Variants in DENND4A observed in about 807,000 individuals in gnomAD.
DENND4A encodes DENN domain containing 4A.
DENND4A carries 70 observed loss-of-function variants against 199.3 expected under a neutral mutation model. That is an observed-to-expected ratio of 0.35 (90% CI 0.29 to 0.43). DENND4A has a LOEUF of 0.43. Among genes scored for constraint, DENND4A ranks in the 20% least tolerant of loss-of-function variants. The pLI, the probability that DENND4A is intolerant of heterozygous loss-of-function variation, is 1.00. For missense variants in DENND4A, 1,723 were observed against 2,255.8 expected (o/e 0.76, Z 4.78); for synonymous variants, 686 against 766.9 (o/e 0.89, Z 1.74).
intron 23 of DENND4A, among the ~76,000 whole-genome samples, chr15:65,684,013 A>T (rs1464122398): frequency 6.6e-6 from 1 of 152,208 alleles, no homozygotes; most frequent in Non-Finnish European, 1.5e-5. Context: ...ATCCACTTAA[A>T]ATAAACATGT....
chr15:65,707,810 C>T (rs1331938611), intron 14 of DENND4A, among the ~76,000 whole-genome samples: 2 of 152,014 alleles, frequency 1.3e-5, no homozygotes, highest in Non-Finnish European at 2.9e-5. Context: ...CAAAGCCTCC[C>T]AAGTAGCTGG....
At chr15:65,760,824 G>A (rs1320791048) in intron 2 of DENND4A, among the ~76,000 whole-genome samples, 4 of 151,100 alleles carry the variant, frequency 2.6e-5, no homozygotes, top group African/African-American at 7.3e-5. Flanking sequence ...TGTAGGCAGA[G>A]GTTGCAATGG....
Position 65,690,662 on chromosome 15 carries a change from C to A in DENND4A, c.3932G>T (p.Ser1311Ile). The change falls in exon 23 of 33, where the codon AGT becomes ATT. Residue 1311 changes from serine (S) to isoleucine (I), a missense_variant. Ser to Ile is a moderately radical substitution (Grantham distance 142). This residue lies in a region of DENND4A where 650 missense variants were observed against 738.1 expected (regional missense o/e 0.88). Coordinates refer to ENST00000443035, the MANE Select transcript of DENND4A (RefSeq NM_001320835.1). Reference sequence around the variant, plus strand: ...TGGTTTCTCCTCACTTTTTGTGTAACTTTTAGATTTGGTAAGTCTCACTGG... The same window carrying A: ...TGGTTTCTCCTCACTTTTTGTGTAAATTTTAGATTTGGTAAGTCTCACTGG... The part of the protein sequence containing the change: ...PKPVRLTKSK[S>I]YTKSEEKPRD... The A allele has an allele frequency of 1.2e-6, 2 of 1,613,666 alleles. No individual in the cohort carries two copies. Among genetic ancestry groups the A allele is most frequent in the Non-Finnish European group, 1.7e-6 (2 of 1,179,754 alleles).
chr15:65,663,942 G>A (rs985294079), intron 32 of DENND4A, among the ~76,000 whole-genome samples: 7 of 151,978 alleles, frequency 4.6e-5, no homozygotes, highest in African/African-American at 1.2e-4. Flanking sequence ...ATGAGCTACC[G>A]CACCCGGCTC....
chr15:65,711,473 A>G (rs1269374244), intron 14 of DENND4A, among the ~76,000 whole-genome samples: 1 of 152,230 alleles, frequency 6.6e-6, no homozygotes, highest in Non-Finnish European at 1.5e-5. Context: ...AGCCTGGGTG[A>G]CAGAGAGAGG....
At position 65,696,503 on chromosome 15, in the gene DENND4A, A is replaced by G. The variant is rs1176523280; in HGVS notation, c.2951-6T>C. The G allele has an allele frequency of 6.2e-6, 10 of 1,603,912 alleles. No individual in the cohort carries two copies. Among genetic ancestry groups the G allele is most frequent in the Non-Finnish European group, 1.7e-6 (2 of 1,173,338 alleles). On this transcript the variant is annotated splice_region_variant and splice_polypyrimidine_tract_variant and intron_variant, in intron 21 of 32. Coordinates refer to ENST00000443035, the MANE Select transcript of DENND4A (RefSeq NM_001320835.1). The stretch of plus-strand genomic sequence containing the variant: ...TGTACTCTCACTCTCTGACACTGTA[A>G]AGATGAAAATGAAAATGTTAATAAA...
chr15:65,792,147 C>A lies in DENND4A; in HGVS notation c.-239G>T. The A allele has an allele frequency of 6.5e-6, 1 of 153,212 alleles. No homozygotes were observed. The highest frequency in any genetic ancestry group is 1.8e-4 in the South Asian group (1 of 5,482). 9.5% of individuals were successfully genotyped at this position (153,212 alleles called of 1,614,324 possible). On this transcript the variant is annotated 5_prime_UTR_variant, in exon 1 of 33. Coordinates refer to ENST00000443035, the MANE Select transcript of DENND4A (RefSeq NM_001320835.1). ...CTTAGCTCATCCCCAGCCCGGCGCT[C>A]CGCCCTTCGCGGCACCCCCGCCCGC...
chr15:65,695,055 G>A (rs1312231067), intron 22 of DENND4A, among the ~76,000 whole-genome samples: 1 of 152,116 alleles, frequency 6.6e-6, no homozygotes, highest in Admixed American at 6.5e-5. Context: ...AGTTACAAAG[G>A]ACTAAATGGT....
chr15:65,737,538 A>G (rs2076150214), intron 7 of DENND4A, among the ~76,000 whole-genome samples, 169 bp downstream of exon 7: 1 of 152,190 alleles, frequency 6.6e-6, no homozygotes, highest in Non-Finnish European at 1.5e-5. Context: ...TTTAAATAAC[A>G]AGACTACAAA....
intron 23 of DENND4A, among the ~76,000 whole-genome samples, chr15:65,682,903 C>CGT (rs1304784516): frequency 6.6e-6 from 1 of 152,120 alleles, no homozygotes; most frequent in Non-Finnish European, 1.5e-5. Flanking sequence ...AGAAATTACA[C>CGT]AACATTTATC....
intron 7 of DENND4A, among the ~76,000 whole-genome samples, chr15:65,734,034 G>A (rs540143541): frequency 6.6e-5 from 10 of 152,308 alleles, no homozygotes; most frequent in African/African-American, 2.2e-4. Context: ...GGCCTCGTGG[G>A]AAGAGAAAGA....
chr15:65,781,489 T>C (rs966316399), intron 1 of DENND4A, among the ~76,000 whole-genome samples: 17 of 152,074 alleles, frequency 1.1e-4, no homozygotes, highest in African/African-American at 3.9e-4. Context: ...AAGTGACTGA[T>C]TCAAAAAATA....
chr15:65,663,887 A>G (rs1256924456), intron 32 of DENND4A, among the ~76,000 whole-genome samples: 4 of 151,848 alleles, frequency 2.6e-5, no homozygotes, highest in Admixed American at 2.6e-4. Flanking sequence ...CCTGGCCTCA[A>G]GCGATCCACC....
At chr15:65,704,617 G>C (rs1474474059) in intron 15 of DENND4A, among the ~76,000 whole-genome samples, 2 of 152,042 alleles carry the variant, frequency 1.3e-5, no homozygotes, top group Non-Finnish European at 2.9e-5. Context: ...TGGAGATAGA[G>C]TCTCGTTCTG....
At chr15:65,713,958 T>A (rs1327341969) in intron 14 of DENND4A, among the ~76,000 whole-genome samples, 1 of 152,162 alleles carries the variant, frequency 6.6e-6, no homozygotes, top group African/African-American at 2.4e-5. Flanking sequence ...TATATGTATA[T>A]ATACACACAG....
At chr15:65,674,066 G>A (rs768977806) in intron 24 of DENND4A, among the ~76,000 whole-genome samples, 2 of 152,096 alleles carry the variant, frequency 1.3e-5, no homozygotes, top group Non-Finnish European at 2.9e-5. Context: ...AGAGGGAGAG[G>A]AAGGGGAATA....
chr15:65,696,709 C>T (rs1204371520), intron 21 of DENND4A: 3 of 316,988 alleles, frequency 9.5e-6, no homozygotes, highest in Non-Finnish European at 1.8e-5. Flanking sequence ...ACTGATCATG[C>T]ATGAGGTCCA....
chr15:65,691,346 A>G lies in DENND4A; in HGVS notation c.3248T>C (p.Leu1083Pro). Reference sequence around the variant, plus strand: ...AATTCTATTGAGCATAAATCCCATCAGTACCCCTCCACTAAGATTACGGTT... The same window carrying G: ...AATTCTATTGAGCATAAATCCCATCGGTACCCCTCCACTAAGATTACGGTT... ...NRNRNLSGGV[L>P]MGFMLNRINQ... Residue 1083 changes from leucine (L) to proline (P), a missense_variant, in exon 23 of 33, where the codon CTG (leucine) becomes CCG (proline). Physicochemically the swap from Leu to Pro is moderately conservative, Grantham distance 98. Around this residue, in one of 6 missense-constraint regions of DENND4A, gnomAD observed 650 missense variants for 738.1 expected, o/e 0.88. Transcript: ENST00000443035. 6.2e-7 allele frequency: 1 copy of G among 1,613,648 alleles called. No homozygotes were observed. Among genetic ancestry groups the G allele is most frequent in the Non-Finnish European group, 8.5e-7 (1 of 1,179,752 alleles).
intron 18 of DENND4A, among the ~76,000 whole-genome samples, 161 bp downstream of exon 18, chr15:65,701,601 T>G (rs1044506404): frequency 2.0e-5 from 3 of 152,084 alleles, no homozygotes; most frequent in African/African-American, 7.2e-5. Flanking sequence ...CAAAGTAGAT[T>G]GTATAACATA....
Sources: allele counts gnomAD v4.1 joint callset (sites outside exome capture counted in the v4.1 genomes callset), GRCh38; gene constraint gnomAD v4.1.1; regional missense constraint gnomAD v4.1.1; transcripts MANE v1.5; gene names NCBI Gene and HGNC (gene_info 2026-07-23, HGNC 2026-07-21).